The following PTPRM variants were observed in gnomAD, a reference collection of about 807,000 sequenced individuals.
The protein encoded by PTPRM is protein tyrosine phosphatase receptor type M.
In PTPRM, 47 loss-of-function variants were observed where a neutral mutation model predicts 186.7. The observed-to-expected ratio is 0.25, with a 90% CI of 0.20 to 0.32. PTPRM has a LOEUF of 0.32. Among genes scored for constraint, PTPRM ranks in the 10% least tolerant of loss-of-function variants. PTPRM has a pLI of 1.00. For missense variants in PTPRM, 1,494 were observed against 1,865.0 expected (o/e 0.80, Z 3.66); for synonymous variants, 668 against 674.9 (o/e 0.99, Z 0.16).
At chr18:7,625,695 C>T (rs761874121) in intron 1 of PTPRM, among the ~76,000 whole-genome samples, 19 of 137,138 alleles carry the variant, frequency 1.4e-4, no homozygotes, top group Admixed American at 8.6e-4. Flanking sequence ...CCATGATGCC[C>T]GGTTAATTTT....
At chr18:8,045,329 C>A (rs975979760) in intron 7 of PTPRM, among the ~76,000 whole-genome samples, 2 of 152,172 alleles carry the variant, frequency 1.3e-5, no homozygotes, top group African/African-American at 4.8e-5. Context: ...GCCTGAGTGA[C>A]AATGTGAGAC....
intron 11 of PTPRM, among the ~76,000 whole-genome samples, chr18:8,105,759 G>A (rs1181307545): frequency 6.6e-6 from 1 of 152,144 alleles, no homozygotes; most frequent in East Asian, 1.9e-4. Flanking sequence ...GGGAAGGTCA[G>A]GAATGGCTCT....
chr18:7,653,741 A>G (rs1217939442), intron 1 of PTPRM, among the ~76,000 whole-genome samples: 1 of 152,126 alleles, frequency 6.6e-6, no homozygotes, highest in Non-Finnish European at 1.5e-5. Context: ...TGTTGATTCC[A>G]TGTCCTTGCT....
chr18:7,936,733 G>T, intron 5 of PTPRM, among the ~76,000 whole-genome samples: 1 of 152,306 alleles, frequency 6.6e-6, no homozygotes, highest in Non-Finnish European at 1.5e-5. Flanking sequence ...TGCAGTTCGG[G>T]AGTGGGAAAT....
chr18:7,805,026 G>A (rs1360949220), intron 2 of PTPRM, among the ~76,000 whole-genome samples: 7 of 152,174 alleles, frequency 4.6e-5, no homozygotes, highest in African/African-American at 1.4e-4. Context: ...ATATATTCGA[G>A]TGTGGTTATT....
intron 13 of PTPRM, among the ~76,000 whole-genome samples, chr18:8,122,779 T>C (rs896227640): frequency 6.6e-6 from 1 of 152,214 alleles, no homozygotes; most frequent in Non-Finnish European, 1.5e-5. Context: ...TGGCTGCCAG[T>C]AGTATTAAAC....
chr18:8,183,850 C>G (rs985078162), intron 14 of PTPRM, among the ~76,000 whole-genome samples: 1 of 152,148 alleles, frequency 6.6e-6, no homozygotes, highest in Non-Finnish European at 1.5e-5. Flanking sequence ...TAGGTGGAAC[C>G]GGCCTGCCAC....
chr18:8,336,455 G>T (rs990423475), intron 22 of PTPRM, among the ~76,000 whole-genome samples: 3 of 152,064 alleles, frequency 2.0e-5, no homozygotes, highest in Admixed American at 2.0e-4. Flanking sequence ...AGGAGGCTGA[G>T]GTGGGAGGAT....
At chr18:8,272,223 A>AT (rs1285562500) in intron 19 of PTPRM, among the ~76,000 whole-genome samples, 1 of 150,864 alleles carries the variant, frequency 6.6e-6, no homozygotes, top group Non-Finnish European at 1.5e-5. Context: ...AAAAAAAAAA[A>AT]GAAAGAAAGA....
intron 1 of PTPRM, among the ~76,000 whole-genome samples, chr18:7,609,530 T>G (rs1400629047): frequency 6.6e-6 from 1 of 152,066 alleles, no homozygotes; most frequent in African/African-American, 2.4e-5. Flanking sequence ...CTTTTTTTTT[T>G]TTTTTTTTAA....
intron 9 of PTPRM, 73 bp from the exon 10 acceptor site, chr18:8,085,598 G>T: frequency 7.7e-7 from 1 of 1,297,372 alleles, no homozygotes; most frequent in East Asian, 2.3e-5. Context: ...TACATCAGAA[G>T]GGTTTATTGG....
At chr18:8,092,657 C>T (rs114968790) in intron 11 of PTPRM, among the ~76,000 whole-genome samples, 2,412 of 152,076 alleles carry the variant, frequency 0.016, 69 homozygotes, top group African/African-American at 0.056. Flanking sequence ...AAGCAGGGCA[C>T]CTCAAATGTG....
intron 2 of PTPRM, among the ~76,000 whole-genome samples, chr18:7,812,855 T>C (rs535030779): frequency 1.2e-4 from 18 of 152,218 alleles, no homozygotes; most frequent in African/African-American, 4.1e-4. Context: ...GAATGAGGCA[T>C]GAAATGATGC....
intron 1 of PTPRM, among the ~76,000 whole-genome samples, chr18:7,577,424 A>G (rs1238704304): frequency 6.6e-6 from 1 of 152,178 alleles, no homozygotes; most frequent in Non-Finnish European, 1.5e-5. Context: ...TATTAAAGGA[A>G]CCATGGTATC....
intron 14 of PTPRM, among the ~76,000 whole-genome samples, chr18:8,200,456 C>G (rs1015367638): frequency 6.6e-6 from 1 of 152,260 alleles, no homozygotes; most frequent in Non-Finnish European, 1.5e-5. Context: ...TGATTTCACC[C>G]TTCAGGCTCA....
At chr18:8,242,650 G>A (rs55696590) in intron 14 of PTPRM, among the ~76,000 whole-genome samples, 92,957 of 152,118 alleles carry the variant, frequency 0.61, 29,065 homozygotes, top group Middle Eastern at 0.75. Context: ...TTTTCTAACA[G>A]CTTTTAGCAA....
intron 19 of PTPRM, among the ~76,000 whole-genome samples, chr18:8,291,860 A>AC (rs1568680516): frequency 6.6e-6 from 1 of 152,072 alleles, no homozygotes; most frequent in Non-Finnish European, 1.5e-5. Flanking sequence ...TTCCAAAAAA[A>AC]AAAAAAAAGG....
rs2036453736 is a variant in PTPRM at position 7,567,493 on chromosome 18, A to C, written c.-326A>C. The C allele has an allele frequency of 1.9e-5, 4 of 216,016 alleles. No homozygotes were observed. The highest frequency in any genetic ancestry group is 5.9e-5 in the Admixed American group (1 of 16,858). 13.4% of individuals were successfully genotyped at this position (216,016 alleles called of 1,614,324 possible). A position where few individuals can be genotyped will look rare whatever the true frequency, so the allele number is the denominator to read the frequency against. ...GCAGCTCGGGTCCCGGGTCCCGGGC[A>C]GGGGAAGGGGAGAGGCGGCGAGCTC... On this transcript the variant is annotated 5_prime_UTR_variant, in exon 1 of 33. Transcript: ENST00000580170. The surrounding 1 kb of genome is among the most constrained non-coding windows in gnomAD (Gnocchi z 4.3).
At chr18:8,269,365 GAAA>G (rs2094741847) in intron 19 of PTPRM, among the ~76,000 whole-genome samples, 1 of 151,748 alleles carries the variant, frequency 6.6e-6, no homozygotes, top group African/African-American at 2.4e-5. Context: ...CTGGAAACTA[GAAA>G]ACATTTATAA....
Sources: allele counts gnomAD v4.1 joint callset (sites outside exome capture counted in the v4.1 genomes callset), GRCh38; gene constraint gnomAD v4.1.1; non-coding constraint Gnocchi (gnomAD v3.1); transcripts MANE v1.5; gene names NCBI Gene and HGNC (gene_info 2026-07-23, HGNC 2026-07-21).